COX7B2: variants seen among roughly 807,000 people sequenced by gnomAD.
COX7B2 encodes the protein cytochrome c oxidase subunit 7B2, mitochondrial.
For missense variants in COX7B2, 109 were observed against 95.9 expected, an observed-to-expected ratio of 1.14 and a Z score of -0.57; for synonymous variants, 37 against 32.1, an observed-to-expected ratio of 1.15 and a Z score of -0.51.
chr4:46,890,289 T>C (rs1300323266), intron 1 of COX7B2, among the ~76,000 whole-genome samples: 1 of 152,236 alleles, frequency 6.6e-6, no homozygotes, highest in African/African-American at 2.4e-5. Context: ...ATCTGGCAAC[T>C]AGCTGCGAAC....
Position 46,786,594 on chromosome 4 carries a change from C to G in COX7B2, c.-49-51353G>C, listed in dbSNP as rs193117056. On this transcript the variant is annotated intron_variant, in intron 2 of 2. Coordinates refer to ENST00000355591, the MANE Select transcript of COX7B2 (RefSeq NM_130902.3). ...GACAAATACATTTTTGAGAGGTTCACATATATTTTTTCTTTTCTCATTTTA... is the reference window on the plus strand; with the variant it reads ...GACAAATACATTTTTGAGAGGTTCAGATATATTTTTTCTTTTCTCATTTTA... Among the ~76,000 whole-genome samples the G allele has an allele frequency of 1.2e-3, 186 of 152,270 alleles. 1 individual carries two copies. The highest frequency in any genetic ancestry group is 4.2e-3 in the African/African-American group (176 of 41,542).
intron 1 of COX7B2, among the ~76,000 whole-genome samples, chr4:46,877,204 GAATAAGT>G (rs1198530053): frequency 1.3e-5 from 2 of 152,156 alleles, no homozygotes; most frequent in African/African-American, 4.8e-5. Flanking sequence ...TGAGTATATG[GAATAAGT>G]AATAAGTATT....
chr4:46,749,030 G>C (rs1246880208), intron 2 of COX7B2, among the ~76,000 whole-genome samples: 2 of 152,068 alleles, frequency 1.3e-5, no homozygotes, highest in East Asian at 3.9e-4. Flanking sequence ...AAAATCAATA[G>C]AATAAGTGTA....
At chr4:46,846,565 T>C (rs144467101) in intron 1 of COX7B2, among the ~76,000 whole-genome samples, 20 of 151,592 alleles carry the variant, frequency 1.3e-4, no homozygotes, top group African/African-American at 4.6e-4. Context: ...AGTGTTCCAG[T>C]AAAAGGGAAC....
intron 2 of COX7B2, among the ~76,000 whole-genome samples, chr4:46,758,620 T>C (rs1358255501): frequency 1.3e-5 from 2 of 152,178 alleles, no homozygotes; most frequent in Non-Finnish European, 2.9e-5. Flanking sequence ...TCCAACTCTT[T>C]TTAGCCAGAA....
intron 2 of COX7B2, among the ~76,000 whole-genome samples, chr4:46,787,906 A>G (rs1398949225): frequency 6.6e-6 from 1 of 152,122 alleles, no homozygotes; most frequent in Non-Finnish European, 1.5e-5. Flanking sequence ...ATCTCACCAT[A>G]TGAATTATGT....
At chr4:46,830,324 CAAAAAAAAAA>C (rs201868075) in intron 2 of COX7B2, among the ~76,000 whole-genome samples, 2 of 82,158 alleles carry the variant, frequency 2.4e-5, no homozygotes, top group African/African-American at 9.5e-5. Flanking sequence ...ACTCTGTCTC[CAAAAAAAAAA>C]AAAAAAAAAG....
At chr4:46,864,683 C>T (rs1717544060) in intron 1 of COX7B2, among the ~76,000 whole-genome samples, 1 of 144,962 alleles carries the variant, frequency 6.9e-6, no homozygotes. Flanking sequence ...GACGGAGTCT[C>T]GCCCAGGCTG....
At chr4:46,753,261 A>G (rs1191442877) in intron 2 of COX7B2, among the ~76,000 whole-genome samples, 4 of 151,908 alleles carry the variant, frequency 2.6e-5, no homozygotes, top group Non-Finnish European at 5.9e-5. Flanking sequence ...ATCGGTGGTG[A>G]TATCCCCTTT....
Position 46,847,500 on chromosome 4 carries a change from A to G in COX7B2, c.-104-2486T>C, listed in dbSNP as rs1049076556. ...TCGGATGATATCCCAGGCCCAAATG[A>G]TACTCTGACTGCAGCCTTGCAGAAG... On this transcript the variant is annotated intron_variant, in intron 1 of 2. Transcript: ENST00000355591. Among the ~76,000 whole-genome samples the G allele has an allele frequency of 7.9e-5, 12 of 152,188 alleles. No individual in the cohort carries two copies. In the South Asian group the frequency reaches 2.5e-3, roughly 32 times the overall value.
intron 2 of COX7B2, among the ~76,000 whole-genome samples, chr4:46,760,805 TAGTC>T (rs1315418246): frequency 6.6e-6 from 1 of 152,168 alleles, no homozygotes; most frequent in Non-Finnish European, 1.5e-5. Flanking sequence ...AATGGCAAAT[TAGTC>T]ATAGCTAAAG....
chr4:46,802,241 T>C (rs1718694707), intron 2 of COX7B2, among the ~76,000 whole-genome samples: 1 of 152,052 alleles, frequency 6.6e-6, no homozygotes, highest in South Asian at 2.1e-4. Context: ...TTTAGGTAGG[T>C]AGAAGCCCAG....
intron 2 of COX7B2, among the ~76,000 whole-genome samples, chr4:46,771,508 G>T (rs1716876607): frequency 6.6e-6 from 1 of 151,944 alleles, no homozygotes; most frequent in South Asian, 2.1e-4. Context: ...GACTATATCA[G>T]ATTTGAAATG....
chr4:46,756,467 A>G (rs1276762072), intron 2 of COX7B2, among the ~76,000 whole-genome samples: 2 of 152,148 alleles, frequency 1.3e-5, no homozygotes, highest in African/African-American at 4.8e-5. Flanking sequence ...ATTAAACTAA[A>G]AAGCTTCTGT....
intron 2 of COX7B2, among the ~76,000 whole-genome samples, chr4:46,772,398 T>C (rs530493522): frequency 7.2e-4 from 110 of 152,224 alleles, no homozygotes; most frequent in African/African-American, 2.5e-3. Context: ...AATGATACTG[T>C]ATAGTATGCT....
At chr4:46,879,872 G>A (rs1718601117) in intron 1 of COX7B2, among the ~76,000 whole-genome samples, 2 of 152,122 alleles carry the variant, frequency 1.3e-5, no homozygotes, top group South Asian at 4.1e-4. Context: ...CTGTGGTTTT[G>A]GACTGGTGTT....
At chr4:46,856,946 T>TA (rs893460951) in intron 1 of COX7B2, among the ~76,000 whole-genome samples, 26 of 152,276 alleles carry the variant, frequency 1.7e-4, no homozygotes, top group African/African-American at 4.8e-4. Context: ...GCAATAGAGA[T>TA]AGAGTTTGAT....
intron 2 of COX7B2, among the ~76,000 whole-genome samples, chr4:46,741,888 A>G (rs896474899): frequency 1.3e-5 from 2 of 152,170 alleles, no homozygotes; most frequent in African/African-American, 4.8e-5. Flanking sequence ...ACAAATTCTC[A>G]GGAGAGTTTT....
At chr4:46,859,310 G>T (rs1001223493) in intron 1 of COX7B2, among the ~76,000 whole-genome samples, 1 of 152,044 alleles carries the variant, frequency 6.6e-6, no homozygotes, top group African/African-American at 2.4e-5. Context: ...TGACTCAACT[G>T]CTCTCTACAC....
Sources: allele counts gnomAD v4.1 joint callset (sites outside exome capture counted in the v4.1 genomes callset), GRCh38; gene constraint gnomAD v4.1.1; transcripts MANE v1.5; gene names NCBI Gene and HGNC (gene_info 2026-07-23, HGNC 2026-07-21).